TRAPPC9: variants seen among roughly 807,000 people sequenced by gnomAD.
TRAPPC9 encodes trafficking protein particle complex subunit 9, also known as IKK2 binding protein.
In TRAPPC9, 83 loss-of-function variants were observed where a neutral mutation model predicts 124.0. The observed-to-expected ratio is 0.67, with a 90% CI of 0.56 to 0.80. The LOEUF (loss-of-function observed/expected upper bound fraction) is 0.80. Among genes scored for constraint, TRAPPC9 ranks in the 30% least tolerant of loss-of-function variants. The pLI is 0.00. For synonymous variants in TRAPPC9, 638 were observed against 617.5 expected, an observed-to-expected ratio of 1.03 and a Z score of -0.49; for missense variants, 1,302 against 1,508.3, an observed-to-expected ratio of 0.86 and a Z score of 2.27.
chr8:139,785,224 C>T (rs57928623), intron 21 of TRAPPC9, among the ~76,000 whole-genome samples: 1,653 of 152,256 alleles, frequency 0.011, 28 homozygotes, highest in African/African-American at 0.037. Flanking sequence ...AATACACACT[C>T]GCTAAAATGA....
intron 9 of TRAPPC9, 83 bp from the exon 10 acceptor site, chr8:140,311,457 T>A (rs2066296937): frequency 6.5e-7 from 1 of 1,541,914 alleles, no homozygotes; most frequent in Non-Finnish European, 8.8e-7. Flanking sequence ...GGGCATTTCA[T>A]GACAGTCCAG....
chr8:140,449,257 C>T (rs1304866299), intron 2 of TRAPPC9, among the ~76,000 whole-genome samples: 1 of 152,220 alleles, frequency 6.6e-6, no homozygotes, highest in East Asian at 1.9e-4. Context: ...GTGGCATGCA[C>T]CTTACATCAC....
intron 11 of TRAPPC9, among the ~76,000 whole-genome samples, chr8:140,295,147 G>A (rs1045963536): frequency 1.1e-4 from 17 of 152,094 alleles, no homozygotes; most frequent in African/African-American, 2.2e-4. Flanking sequence ...TGACAAGTTC[G>A]TCTCTTTCTG....
rs567704900 is a variant in TRAPPC9 at position 140,360,236 on chromosome 8, G to A, written c.1352-43C>T. On this transcript the variant is annotated intron_variant, in intron 8 of 22. Transcript: ENST00000438773. ...AAACATCACAAAAGTGCTTGGAGAGGGTACAGGAAATACGGTTAATCTAAG... is the reference window on the plus strand; with the variant it reads ...AAACATCACAAAAGTGCTTGGAGAGAGTACAGGAAATACGGTTAATCTAAG... The A allele has an allele frequency of 3.4e-5, 55 of 1,613,036 alleles. 1 individual carries two copies. In the South Asian group the frequency reaches 5.8e-4, roughly 17 times the overall value.
chr8:139,917,325 C>T (rs1031518817), intron 19 of TRAPPC9, among the ~76,000 whole-genome samples: 12 of 151,916 alleles, frequency 7.9e-5, no homozygotes, highest in Middle Eastern at 3.4e-3. Flanking sequence ...GGACTACACG[C>T]GCCTGCCACC....
intron 21 of TRAPPC9, among the ~76,000 whole-genome samples, chr8:139,764,455 T>G (rs951669887): frequency 6.6e-6 from 1 of 152,166 alleles, no homozygotes; most frequent in Non-Finnish European, 1.5e-5. Context: ...TATGAAGCCA[T>G]GGAAAGGCCA....
At chr8:140,157,926 C>G (rs568695179) in intron 17 of TRAPPC9, among the ~76,000 whole-genome samples, 1 of 152,024 alleles carries the variant, frequency 6.6e-6, no homozygotes, top group Non-Finnish European at 1.5e-5. Flanking sequence ...TTATAACTTG[C>G]CTTTTATTTC....
At chr8:139,885,772 C>T (rs1829966965) in intron 21 of TRAPPC9, 107 bp downstream of exon 21, 1 of 1,079,096 alleles carries the variant, frequency 9.3e-7, no homozygotes, top group Non-Finnish European at 1.4e-6. Flanking sequence ...CCTTCAGTAC[C>T]CACCAACATT....
chr8:139,731,924 G>GGAT, intron 22 of TRAPPC9, 55 bp downstream of exon 22: 1 of 1,495,610 alleles, frequency 6.7e-7, no homozygotes, highest in Non-Finnish European at 9.1e-7. Context: ...AGGGAAGGGG[G>GGAT]GATGATGACC....
intron 17 of TRAPPC9, among the ~76,000 whole-genome samples, chr8:140,147,565 G>A (rs915160061): frequency 2.6e-5 from 4 of 152,154 alleles, no homozygotes; most frequent in Non-Finnish European, 4.4e-5. Flanking sequence ...TAACTTCAGC[G>A]CAAGAAGATG....
chr8:140,137,455 C>T (rs1328259357), intron 17 of TRAPPC9, among the ~76,000 whole-genome samples: 1 of 151,638 alleles, frequency 6.6e-6, no homozygotes, highest in Non-Finnish European at 1.5e-5. Flanking sequence ...CACTCTGGAG[C>T]GGGTAGTGAG....
intron 17 of TRAPPC9, among the ~76,000 whole-genome samples, chr8:140,066,545 ATGTC>A (rs988646679): frequency 6.6e-6 from 1 of 152,212 alleles, no homozygotes; most frequent in Non-Finnish European, 1.5e-5. Context: ...GCAAAATGAA[ATGTC>A]TGTCTGAGAA....
chr8:139,776,632 C>G lies in TRAPPC9; in HGVS notation c.3056-44430G>C, dbSNP rs990473275. On this transcript the variant is annotated intron_variant, in intron 21 of 22. Transcript: ENST00000438773. The surrounding 1 kb of genome is among the most constrained non-coding windows in gnomAD (Gnocchi z 4.1). ...GGCTCGGAGCCTCTGGAGCTTTGGT[C>G]CCGTCATCTGCCTGTGTGCACGTGT... Among the ~76,000 whole-genome samples, 6 of 152,110 alleles carry G rather than the reference C, an allele frequency of 3.9e-5. No individual in the cohort carries two copies. The highest frequency in any genetic ancestry group is 7.4e-5 in the Non-Finnish European group (5 of 68,008).
rs148171491 is a variant in TRAPPC9, at chr8:139,848,530, C to T, written c.3055+37349G>A. On this transcript the variant is annotated intron_variant, in intron 21 of 22. Coordinates refer to ENST00000438773, the MANE Select transcript of TRAPPC9 (RefSeq NM_001160372.4). The stretch of plus-strand genomic sequence containing the variant: ...TATATGTGAGATATATATATATATA[C>T]ACACACACACACATATATATATCCA... 1.0e-3 allele frequency among the ~76,000 whole-genome samples: 156 copies of T among 150,852 alleles called. No individual in the cohort carries two copies. In the East Asian group the frequency reaches 0.014, roughly 13 times the overall value.
At chr8:139,911,658 T>C (rs1283329580) in intron 19 of TRAPPC9, among the ~76,000 whole-genome samples, 6 of 151,796 alleles carry the variant, frequency 4.0e-5, no homozygotes, top group East Asian at 3.9e-4. Context: ...TGAGCCGAGA[T>C]TGTGCCACTG....
chr8:139,915,333 G>A (rs1045758767), intron 19 of TRAPPC9, among the ~76,000 whole-genome samples: 20 of 152,118 alleles, frequency 1.3e-4, no homozygotes, highest in African/African-American at 4.3e-4. Context: ...TGCAACCTCC[G>A]CTTCCTGGGT....
At chr8:139,886,609 C>G (rs953959047) in intron 20 of TRAPPC9, among the ~76,000 whole-genome samples, 1 of 152,216 alleles carries the variant, frequency 6.6e-6, no homozygotes, top group Non-Finnish European at 1.5e-5. Flanking sequence ...GTTAAAGCCA[C>G]CACATTTAAG....
chr8:139,979,493 G>C (rs1836734735), intron 19 of TRAPPC9, among the ~76,000 whole-genome samples: 1 of 152,190 alleles, frequency 6.6e-6, no homozygotes, highest in African/African-American at 2.4e-5. Flanking sequence ...CGGGTGCACG[G>C]TCGGCACCAG....
chr8:139,900,049 G>A lies in TRAPPC9; in HGVS notation c.2964+10098C>T, dbSNP rs199518040. On this transcript the variant is annotated intron_variant, in intron 20 of 22. Coordinates refer to ENST00000438773, the MANE Select transcript of TRAPPC9 (RefSeq NM_001160372.4). ...GACCAGAGCCGTCTGTCCTCCTCAC[G>A]GTGAAGGTGATCCCGTCACTCGCTG... is the stretch of plus-strand genomic sequence containing the variant. Among the ~76,000 whole-genome samples, 71 of 152,266 alleles carry A rather than the reference G, an allele frequency of 4.7e-4. 1 individual carries two copies. In the East Asian group the frequency reaches 9.7e-3, roughly 21 times the overall value.
Sources: gnomAD v4.1 joint callset for allele counts (sites outside exome capture counted in the v4.1 genomes callset) on GRCh38, gnomAD v4.1.1 for gene constraint, Gnocchi (gnomAD v3.1) non-coding constraint, MANE v1.5 for transcripts, NCBI Gene and HGNC (gene_info 2026-07-23, HGNC 2026-07-21) for gene names.